The following SIPA1L2 variants were observed in gnomAD, a reference collection of about 807,000 sequenced individuals.
SIPA1L2 encodes the protein signal-induced proliferation-associated 1-like protein 2.
In SIPA1L2, 56 loss-of-function variants were observed where a neutral mutation model predicts 163.9. The observed-to-expected ratio is 0.34, with a 90% CI of 0.28 to 0.43. SIPA1L2 has a LOEUF of 0.43. SIPA1L2 is among the 20% of genes least tolerant of loss of function. The pLI, the probability that SIPA1L2 is intolerant of heterozygous loss-of-function variation, is 1.00. For synonymous variants in SIPA1L2, 877 were observed against 865.7 expected (o/e 1.01, Z -0.23); for missense variants, 1,974 against 2,193.5 (o/e 0.90, Z 2.00).
At chr1:232,545,354 G>C (rs1481572908) in intron 2 of SIPA1L2, among the ~76,000 whole-genome samples, 1 of 152,144 alleles carries the variant, frequency 6.6e-6, no homozygotes, top group African/African-American at 2.4e-5. Flanking sequence ...TTAAAACTTT[G>C]AATTCAAGCA....
intron 5 of SIPA1L2, among the ~76,000 whole-genome samples, chr1:232,488,415 G>A (rs764516330): frequency 4.6e-5 from 7 of 152,170 alleles, no homozygotes; most frequent in Non-Finnish European, 8.8e-5. Flanking sequence ...GGTTAGTGGC[G>A]ATTTGTAAGG....
In SIPA1L2 at chr1:232,415,429, G is replaced by A. The variant is rs150318310; in HGVS notation, c.4762+65C>T. 178 of 1,519,470 alleles carry A rather than the reference G, an allele frequency of 1.2e-4. No homozygotes were observed. The African/African-American group carries it at 1.5e-3, about 13-fold the overall frequency. 94.1% of individuals were successfully genotyped at this position (1,519,470 alleles called of 1,614,324 possible). ...GACAGACGGGCTCCCCTAAGATGCC[G>A]CACAGGCCCTGCAGGAAAGCACTCC... On this transcript the variant is annotated intron_variant, in intron 19 of 22. Transcript: ENST00000674635.
At chr1:232,479,411 T>G (rs1665208787) in intron 7 of SIPA1L2, among the ~76,000 whole-genome samples, 1 of 152,226 alleles carries the variant, frequency 6.6e-6, no homozygotes, top group South Asian at 2.1e-4. Context: ...TAGATCTGAG[T>G]GCAGAAGAGT....
intron 10 of SIPA1L2, among the ~76,000 whole-genome samples, chr1:232,454,582 G>A (rs1296018110): frequency 6.6e-6 from 1 of 152,180 alleles, no homozygotes; most frequent in Admixed American, 6.5e-5. Context: ...TTTGACGAAT[G>A]TATTTCTATG....
At chr1:232,573,478 A>ATC (rs529251791) in intron 2 of SIPA1L2, among the ~76,000 whole-genome samples, 341 of 152,234 alleles carry the variant, frequency 2.2e-3, no homozygotes, top group African/African-American at 8.0e-3. Flanking sequence ...GTAGACACAG[A>ATC]CTGAGAGGAA....
intron 2 of SIPA1L2, among the ~76,000 whole-genome samples, chr1:232,537,069 G>A (rs1307508301): frequency 6.6e-6 from 1 of 152,052 alleles, no homozygotes; most frequent in Non-Finnish European, 1.5e-5. Context: ...AACCCTGTTT[G>A]TACAAGAAAT....
rs188387797 is a variant in SIPA1L2, at chr1:232,622,692, G to C, written c.-319+7177C>G. 2.0e-5 allele frequency among the ~76,000 whole-genome samples: 3 copies of C among 152,196 alleles called. No homozygotes were observed. The South Asian group carries it at 6.2e-4, about 31-fold the overall frequency. On this transcript the variant is annotated intron_variant, in intron 1 of 22. Transcript: ENST00000674635. Reference sequence around the variant, plus strand: ...TATAAAGTTCTTGATGTAACAGATGGAACACAGTCCCTCTTCAGAAACTTC... The same window carrying C: ...TATAAAGTTCTTGATGTAACAGATGCAACACAGTCCCTCTTCAGAAACTTC...
chr1:232,452,336 C>G (rs1326785840), intron 10 of SIPA1L2, among the ~76,000 whole-genome samples: 2 of 152,142 alleles, frequency 1.3e-5, no homozygotes, highest in Admixed American at 6.5e-5. Context: ...ATCTTGCTCA[C>G]AGTTAACAGA....
In SIPA1L2 at chr1:232,514,055, C is replaced by T; in HGVS notation, c.1285G>A (p.Ala429Thr). 1 of 1,614,148 alleles carries T rather than the reference C, an allele frequency of 6.2e-7. No individual in the cohort carries two copies. The change falls in exon 3 of 23, where the codon GCC (alanine) becomes ACC (threonine). Residue 429 changes from alanine to threonine, a missense_variant. Physicochemically the swap from Ala to Thr is moderately conservative, Grantham distance 58 (BLOSUM62 0). Transcript: ENST00000674635. ...CCAGAACTGAAAGAGGATGAGTTGG[C>T]TCGAGAGAGCGCAATCCGCCTGTCG... ...EGDRRIALSR[A>T]NSSSFSSGES...
chr1:232,498,410 T>G (rs921941637), intron 3 of SIPA1L2, among the ~76,000 whole-genome samples: 1 of 152,214 alleles, frequency 6.6e-6, no homozygotes, highest in Non-Finnish European at 1.5e-5. Flanking sequence ...GGAACTTACA[T>G]GGCAAGAGAC....
At chr1:232,552,380 T>A (rs1658444194) in intron 2 of SIPA1L2, among the ~76,000 whole-genome samples, 1 of 152,026 alleles carries the variant, frequency 6.6e-6, no homozygotes, top group African/African-American at 2.4e-5. Context: ...TGACACAGAC[T>A]AAGTAATTAG....
intron 1 of SIPA1L2, among the ~76,000 whole-genome samples, chr1:232,622,944 T>C (rs934654815): frequency 6.6e-6 from 1 of 152,264 alleles, no homozygotes. Flanking sequence ...ATTTGTTTAC[T>C]GTGAGCCTAT....
At chr1:232,407,950 C>T (rs1007318776) in intron 19 of SIPA1L2, among the ~76,000 whole-genome samples, 2 of 152,134 alleles carry the variant, frequency 1.3e-5, no homozygotes, top group African/African-American at 2.4e-5. Flanking sequence ...GTTTTCTGGT[C>T]GGGTTTGTTC....
Position 232,399,123 on chromosome 1 carries a change from T to C in SIPA1L2, c.*4A>G, listed in dbSNP as rs1175936539. ...CAGTGGTCCCTTGATGAGGTGCGGA[T>C]TGGCTAAGATTTTTTGTCGATGGTG... is the stretch of plus-strand genomic sequence containing the variant. On this transcript the variant is annotated 3_prime_UTR_variant, in exon 23 of 23. Coordinates refer to ENST00000674635, the MANE Select transcript of SIPA1L2 (RefSeq NM_020808.5). 2 of 1,613,928 alleles carry C rather than the reference T, an allele frequency of 1.2e-6. No homozygotes were observed. Among genetic ancestry groups the C allele is most frequent in the African/African-American group, 1.3e-5 (1 of 74,880 alleles).
Position 232,567,675 on chromosome 1 carries a change from A to G in SIPA1L2, c.-270+6499T>C, listed in dbSNP as rs190492248. Among the ~76,000 whole-genome samples, 181 of 152,318 alleles carry G rather than the reference A, an allele frequency of 1.2e-3. 1 individual carries two copies. The highest frequency in any genetic ancestry group is 4.1e-3 in the African/African-American group (169 of 41,578). ...GTGTAAAATATATATTTGAACTTCA[A>G]CCCCATTTCCTGGTATACAACTCCT... is the stretch of plus-strand genomic sequence containing the variant. On this transcript the variant is annotated intron_variant, in intron 2 of 22. Transcript: ENST00000674635.
intron 1 of SIPA1L2, among the ~76,000 whole-genome samples, chr1:232,610,788 A>G (rs1458958573): frequency 6.6e-6 from 1 of 152,198 alleles, no homozygotes; most frequent in Non-Finnish European, 1.5e-5. Context: ...CAGCAAGTGA[A>G]GGAGAATAAG....
chr1:232,597,867 G>C (rs1661364743), intron 1 of SIPA1L2, among the ~76,000 whole-genome samples: 1 of 151,966 alleles, frequency 6.6e-6, no homozygotes. Flanking sequence ...CTTTTAGACA[G>C]GCTGAGTCTG....
chr1:232,615,388 G>C (rs192755965), intron 1 of SIPA1L2, among the ~76,000 whole-genome samples: 2 of 152,220 alleles, frequency 1.3e-5, no homozygotes, highest in African/African-American at 4.8e-5. Context: ...ATTAGAGAAG[G>C]AGAAAATCAC....
chr1:232,445,546 C>T lies in SIPA1L2; in HGVS notation c.3336G>A (p.Lys1112=), dbSNP rs1663164582. 2 of 1,613,772 alleles carry T rather than the reference C, an allele frequency of 1.2e-6. No homozygotes were observed. Among genetic ancestry groups the T allele is most frequent in the Non-Finnish European group, 1.7e-6 (2 of 1,179,924 alleles). ...AIPRSTSFDR[K]LPDGTRSSPS... ...AGCATTACCTCGTGCCATCGGGCAG[C>T]TTCCGGTCGAAGGAGGTGCTTCGAG... Residue 1112 remains lysine, a synonymous_variant, in exon 11 of 23, where the codon AAG becomes AAA. Coordinates refer to ENST00000674635, the MANE Select transcript of SIPA1L2 (RefSeq NM_020808.5).
Sources: gnomAD v4.1 joint callset for allele counts (sites outside exome capture counted in the v4.1 genomes callset) on GRCh38, gnomAD v4.1.1 for gene constraint, MANE v1.5 for transcripts, NCBI Gene and HGNC (gene_info 2026-07-23, HGNC 2026-07-21) for gene names.